Variants in MDGA2 observed in about 807,000 individuals in gnomAD.
MDGA2 encodes the protein MAM domain containing glycosylphosphatidylinositol anchor 2, also known as MAM domain-containing glycosylphosphatidylinositol anchor protein 2.
Under a neutral mutation model 117.8 loss-of-function variants are expected in MDGA2, and 40 were observed. The ratio of observed to expected loss-of-function variants is 0.34; its 90% CI spans 0.26 to 0.44. The LOEUF is 0.44. Among genes scored for constraint, MDGA2 ranks in the 20% least tolerant of loss-of-function variants. The pLI is 1.00. For missense variants in MDGA2, 1,123 were observed against 1,250.6 expected (o/e 0.90, Z 1.54); for synonymous variants, 452 against 439.0 (o/e 1.03, Z -0.37).
Position 47,384,019 on chromosome 14 carries a change from G to GATA in MDGA2, c.281-82472_281-82470dup, listed in dbSNP as rs1555378199. Among the ~76,000 whole-genome samples, 310 of 107,090 alleles carry GATA rather than the reference G, an allele frequency of 2.9e-3. 2 individuals are homozygous for GATA. Among genetic ancestry groups the GATA allele is most frequent in the African/African-American group, 0.01 (298 of 28,914 alleles). The allele number at this position is 107,090 out of a possible 152,430, so 70.3% of individuals were successfully genotyped here. ...TAGATAGATAGATAGATAGATAATA[G>GATA]ATAGATTAGATAAAGAGATAAATAG... On this transcript the variant is annotated intron_variant, in intron 1 of 16. Coordinates refer to ENST00000399232, the MANE Select transcript of MDGA2 (RefSeq NM_001113498.3).
intron 9 of MDGA2, among the ~76,000 whole-genome samples, chr14:46,953,426 C>T (rs1286832134): frequency 2.6e-5 from 4 of 151,750 alleles, no homozygotes; most frequent in African/African-American, 4.8e-5. Flanking sequence ...TAACTGTGTA[C>T]ATGCACTTTC....
chr14:47,104,051 G>A (rs939609576), intron 5 of MDGA2, among the ~76,000 whole-genome samples: 16 of 152,282 alleles, frequency 1.1e-4, no homozygotes, highest in South Asian at 4.2e-4. Context: ...TACTTCACCT[G>A]CCTGTTCTCT....
intron 1 of MDGA2, among the ~76,000 whole-genome samples, chr14:47,603,846 GCTTT>G (rs1230142188): frequency 1.3e-5 from 2 of 152,162 alleles, no homozygotes; most frequent in South Asian, 2.1e-4. Flanking sequence ...GGTAACGAGT[GCTTT>G]CTATTTGTGA....
chr14:47,161,379 A>G (rs1445655940), intron 3 of MDGA2, among the ~76,000 whole-genome samples: 4 of 152,078 alleles, frequency 2.6e-5, no homozygotes, highest in South Asian at 2.1e-4. Flanking sequence ...CCTTTGATAC[A>G]ACGATTATCC....
chr14:46,920,761 G>C (rs1884096657), intron 9 of MDGA2, among the ~76,000 whole-genome samples: 1 of 152,132 alleles, frequency 6.6e-6, no homozygotes, highest in South Asian at 2.1e-4. Flanking sequence ...TGGTATCCTA[G>C]AGGTCAAAAG....
intron 15 of MDGA2, among the ~76,000 whole-genome samples, chr14:46,849,135 A>G (rs1880960145): frequency 6.6e-6 from 1 of 151,998 alleles, no homozygotes; most frequent in Non-Finnish European, 1.5e-5. Flanking sequence ...TCTAGCAATA[A>G]AACTCTTAGT....
intron 1 of MDGA2, among the ~76,000 whole-genome samples, chr14:47,495,864 C>G (rs1249701541): frequency 4.6e-5 from 7 of 152,006 alleles, no homozygotes; most frequent in Admixed American, 6.6e-5. Context: ...ACATAAATAC[C>G]CATTTCATTG....
chr14:46,920,534 A>C (rs373556248), intron 9 of MDGA2, among the ~76,000 whole-genome samples: 2 of 152,226 alleles, frequency 1.3e-5, no homozygotes, highest in African/African-American at 4.8e-5. Context: ...GGAATACAAG[A>C]GAGATCAAGA....
At chr14:47,399,481 T>C (rs1301678806) in intron 1 of MDGA2, among the ~76,000 whole-genome samples, 1 of 152,206 alleles carries the variant, frequency 6.6e-6, no homozygotes, top group African/African-American at 2.4e-5. Flanking sequence ...TGCTGCTTCA[T>C]TATCTTAGAA....
chr14:46,841,732 G>T lies in MDGA2; in HGVS notation c.*199C>A. The T allele has an allele frequency of 8.9e-6, 3 of 337,280 alleles. No individual in the cohort carries two copies. Among genetic ancestry groups the T allele is most frequent in the Non-Finnish European group, 1.6e-5 (3 of 184,876 alleles). The allele number at this position is 337,280 out of a possible 1,614,324, so 20.9% of individuals were successfully genotyped here. On this transcript the variant is annotated 3_prime_UTR_variant, in exon 17 of 17. Transcript: ENST00000399232. Reference sequence around the variant, plus strand: ...TACTCAGGTCAAGATTATCTTTTATGTTTAGTCTGGAATAAGTTATACTTC... The same window carrying T: ...TACTCAGGTCAAGATTATCTTTTATTTTTAGTCTGGAATAAGTTATACTTC...
chr14:47,554,339 C>T (rs1404024328), intron 1 of MDGA2, among the ~76,000 whole-genome samples: 1 of 152,058 alleles, frequency 6.6e-6, no homozygotes, highest in African/African-American at 2.4e-5. Flanking sequence ...CATGTTTGTT[C>T]GTTTTCTCTT....
chr14:47,265,475 C>T (rs1887935831), intron 2 of MDGA2, among the ~76,000 whole-genome samples: 1 of 151,878 alleles, frequency 6.6e-6, no homozygotes. Context: ...CATATAAAAA[C>T]ATTCTAGAGA....
At chr14:47,482,942 T>C (rs1007529947) in intron 1 of MDGA2, among the ~76,000 whole-genome samples, 1 of 151,758 alleles carries the variant, frequency 6.6e-6, no homozygotes, top group Non-Finnish European at 1.5e-5. Flanking sequence ...AGAGACGTTT[T>C]GAATTTTTTG....
chr14:47,673,654 G>A (rs1204565539), intron 1 of MDGA2, among the ~76,000 whole-genome samples: 2 of 151,800 alleles, frequency 1.3e-5, no homozygotes, highest in Non-Finnish European at 2.9e-5. Flanking sequence ...GTGTGTGTGT[G>A]TGTGTGTGTG....
At chr14:47,603,327 G>T (rs1427447699) in intron 1 of MDGA2, among the ~76,000 whole-genome samples, 1 of 152,060 alleles carries the variant, frequency 6.6e-6, no homozygotes, top group Non-Finnish European at 1.5e-5. Flanking sequence ...TACACGAATA[G>T]ATCAGTCTGC....
At chr14:47,540,051 C>A (rs1404114550) in intron 1 of MDGA2, among the ~76,000 whole-genome samples, 1 of 152,136 alleles carries the variant, frequency 6.6e-6, no homozygotes, top group Non-Finnish European at 1.5e-5. Context: ...GTCTCGCTGC[C>A]GCCCAGGCTG....
At chr14:47,287,348 C>T (rs1888722617) in intron 2 of MDGA2, among the ~76,000 whole-genome samples, 1 of 152,046 alleles carries the variant, frequency 6.6e-6, no homozygotes, top group African/African-American at 2.4e-5. Flanking sequence ...AAAGCACTGT[C>T]GCTTCCTTCA....
chr14:46,985,019 A>G (rs969151329), intron 8 of MDGA2, among the ~76,000 whole-genome samples: 5 of 152,026 alleles, frequency 3.3e-5, no homozygotes, highest in Admixed American at 2.6e-4. Flanking sequence ...TTAAATCTTC[A>G]GAAGAGAATT....
chr14:46,846,694 T>A (rs566533687), intron 15 of MDGA2, among the ~76,000 whole-genome samples: 1 of 152,272 alleles, frequency 6.6e-6, no homozygotes, highest in South Asian at 2.1e-4. Flanking sequence ...TCTTTATGGC[T>A]CCCAAATTAT....
Sources: allele counts gnomAD v4.1 joint callset (sites outside exome capture counted in the v4.1 genomes callset), GRCh38; gene constraint gnomAD v4.1.1; transcripts MANE v1.5; gene names NCBI Gene and HGNC (gene_info 2026-07-23, HGNC 2026-07-21).